Variants in ESR1 observed in about 807,000 individuals in gnomAD.
The protein encoded by ESR1 is estrogen receptor 1, also known as estrogen receptor.
Under a neutral mutation model 52.7 loss-of-function variants are expected in ESR1, and 12 were observed. The observed-to-expected ratio is 0.23, with a 90% CI of 0.15 to 0.37. The LOEUF is 0.37. Among genes scored for constraint, ESR1 ranks in the 10% least tolerant of loss-of-function variants. ESR1 has a pLI of 1.00. For missense variants in ESR1, 584 were observed against 779.7 expected, an observed-to-expected ratio of 0.75 and a Z score of 2.99; for synonymous variants, 305 against 316.8, an observed-to-expected ratio of 0.96 and a Z score of 0.39.
At chr6:152,121,782 T>C (rs927011080) in intron 6 of ESR1, 2 of 152,650 alleles carry the variant, frequency 1.3e-5, no homozygotes, top group Non-Finnish European at 2.9e-5. Flanking sequence ...TTTTTTTTAC[T>C]ATAACATTCA....
intron 4 of ESR1, among the ~76,000 whole-genome samples, chr6:151,991,495 A>G (rs1329742403): frequency 6.6e-6 from 1 of 152,136 alleles, no homozygotes; most frequent in East Asian, 1.9e-4. Context: ...GTTGAAGGAA[A>G]ATTAGACCCA....
At chr6:151,899,088 A>G (rs796584163) in intron 3 of ESR1, among the ~76,000 whole-genome samples, 271 of 115,988 alleles carry the variant, frequency 2.3e-3, no homozygotes, top group East Asian at 0.018. Context: ...TGACCCCCCC[A>G]CCTCCCTCCC....
chr6:151,918,845 C>T lies in ESR1; in HGVS notation c.761-25328C>T, dbSNP rs377468503. Among the ~76,000 whole-genome samples the T allele has an allele frequency of 2.0e-3, 297 of 152,288 alleles. 1 individual carries two copies. Among genetic ancestry groups the T allele is most frequent in the African/African-American group, 6.9e-3 (285 of 41,562 alleles). On this transcript the variant is annotated intron_variant, in intron 3 of 7. Transcript: ENST00000206249. ...GATGGAGGGATAAAGCTGTAAATCACGTCACAGGCAAATTAAGATATACCA... is the reference window on the plus strand; with the variant it reads ...GATGGAGGGATAAAGCTGTAAATCATGTCACAGGCAAATTAAGATATACCA...
At chr6:152,022,459 A>G (rs2043746918) in intron 5 of ESR1, among the ~76,000 whole-genome samples, 2 of 152,158 alleles carry the variant, frequency 1.3e-5, no homozygotes, top group South Asian at 4.1e-4. Context: ...TGAAGATAAA[A>G]AATTTGAGAG....
At chr6:151,786,546 C>T (rs1445640439) in intron 2 of ESR1, among the ~76,000 whole-genome samples, 3 of 152,208 alleles carry the variant, frequency 2.0e-5, no homozygotes, top group Admixed American at 1.3e-4. Flanking sequence ...AACAAACAAA[C>T]GTTTATATAC....
intron 6 of ESR1, chr6:152,118,481 A>G (rs986074444): frequency 4.6e-5 from 7 of 152,190 alleles, no homozygotes; most frequent in African/African-American, 1.7e-4. Flanking sequence ...CATCATCCTC[A>G]GCAAACTAAC....
exon 7 of ESR1, chr6:152,125,276 T>A (rs754301279): frequency 4.1e-5 from 64 of 1,550,290 alleles, no homozygotes; most frequent in Non-Finnish European, 5.2e-5. Context: ...GTATCTCACA[T>A]GTAGAAGCAA....
intron 3 of ESR1, among the ~76,000 whole-genome samples, chr6:151,941,803 G>A (rs1584368537): frequency 6.6e-6 from 1 of 152,134 alleles, no homozygotes; most frequent in Non-Finnish European, 1.5e-5. Context: ...ACATTGAGCT[G>A]TAACTAACTA....
At chr6:152,124,292 G>A (rs904773836) in intron 6 of ESR1, among the ~76,000 whole-genome samples, 1 of 148,556 alleles carries the variant, frequency 6.7e-6, no homozygotes, top group African/African-American at 2.5e-5. Flanking sequence ...CTGGGCAACA[G>A]AGCGAGACTC....
chr6:151,751,025 C>A (rs555168033), intron 2 of ESR1, among the ~76,000 whole-genome samples: 1 of 152,154 alleles, frequency 6.6e-6, no homozygotes, highest in African/African-American at 2.4e-5. Context: ...GAGTACTAGT[C>A]TTCAGATACT....
intron 2 of ESR1, among the ~76,000 whole-genome samples, chr6:151,784,063 A>G (rs988661825): frequency 2.6e-5 from 4 of 152,218 alleles, no homozygotes; most frequent in African/African-American, 9.6e-5. Flanking sequence ...ACTAATGTTG[A>G]CCTTGGCCAA....
intron 6 of ESR1, among the ~76,000 whole-genome samples, chr6:152,093,658 C>T (rs746196802): frequency 6.6e-5 from 10 of 151,990 alleles, no homozygotes; most frequent in Non-Finnish European, 1.3e-4. Context: ...AGAAAATAGG[C>T]GAGAGAGGAA....
At chr6:151,668,658 C>G (rs887517580) in intron 1 of ESR1, among the ~76,000 whole-genome samples, 1 of 152,122 alleles carries the variant, frequency 6.6e-6, no homozygotes, top group African/African-American at 2.4e-5. Flanking sequence ...GCCTAATCAC[C>G]TCTTAAAGCC....
chr6:151,951,554 G>T (rs1343223597), intron 4 of ESR1, among the ~76,000 whole-genome samples: 1 of 152,162 alleles, frequency 6.6e-6, no homozygotes, highest in Non-Finnish European at 1.5e-5. Context: ...AGAGATAAAA[G>T]ATAGAAATCT....
At chr6:151,868,669 G>A (rs969125821) in intron 2 of ESR1, among the ~76,000 whole-genome samples, 6 of 152,106 alleles carry the variant, frequency 3.9e-5, no homozygotes, top group East Asian at 1.9e-4. Flanking sequence ...GTAGTATTCC[G>A]TGGTGTAGAT....
intron 1 of ESR1, among the ~76,000 whole-genome samples, chr6:151,683,256 A>T (rs1325851792): frequency 6.6e-6 from 1 of 152,058 alleles, no homozygotes; most frequent in East Asian, 1.9e-4. Flanking sequence ...GGTATTGTAG[A>T]GGGAGGTTTA....
chr6:152,091,338 T>A (rs1422556404), intron 6 of ESR1, among the ~76,000 whole-genome samples: 2 of 152,212 alleles, frequency 1.3e-5, no homozygotes, highest in East Asian at 3.8e-4. Context: ...TCTCAGTATA[T>A]TTGCACAACT....
intron 1 of ESR1, among the ~76,000 whole-genome samples, chr6:151,678,217 A>G (rs577960592): frequency 6.6e-6 from 1 of 152,310 alleles, no homozygotes; most frequent in East Asian, 1.9e-4. Flanking sequence ...TCATGCCTAT[A>G]ATCCCAGCAC....
chr6:151,956,933 G>A (rs776059474), intron 4 of ESR1, among the ~76,000 whole-genome samples: 8 of 148,972 alleles, frequency 5.4e-5, no homozygotes, highest in Non-Finnish European at 8.9e-5. Flanking sequence ...CTGGAGTGCA[G>A]TGGCATGATC....
Sources: gnomAD v4.1 joint callset for allele counts (sites outside exome capture counted in the v4.1 genomes callset) on GRCh38, gnomAD v4.1.1 for gene constraint, MANE v1.5 for transcripts, NCBI Gene and HGNC (gene_info 2026-07-23, HGNC 2026-07-21) for gene names.